Variants in TOR1A observed in about 807,000 individuals in gnomAD.
TOR1A encodes the protein torsin-1A.
In TOR1A, 18 loss-of-function variants were observed where a neutral mutation model predicts 31.4. That is an observed-to-expected ratio of 0.57 (90% CI 0.40 to 0.85). TOR1A has a LOEUF of 0.85. Ranked by LOEUF, TOR1A falls within the 40% of genes least tolerant of loss-of-function variation. TOR1A has a pLI of 0.00. For synonymous variants in TOR1A, 168 were observed against 165.9 expected, an observed-to-expected ratio of 1.01 and a Z score of -0.10; for missense variants, 375 against 416.4, an observed-to-expected ratio of 0.90 and a Z score of 0.87.
rs562605456 is a variant in TOR1A at position 129,817,482 on chromosome 9, C to T, written c.748+1038G>A. ...TTGGGAGGCCGAGGCAGGCGGATCA[C>T]GAGGTCAGGAGATAAGACCATCCTG... On this transcript the variant is annotated intron_variant, in intron 4 of 4. Coordinates refer to ENST00000351698, the MANE Select transcript of TOR1A (RefSeq NM_000113.3). Among the ~76,000 whole-genome samples, 10 of 152,044 alleles carry T rather than the reference C, an allele frequency of 6.6e-5. No homozygotes were observed. The East Asian group carries it at 1.4e-3, about 21-fold the overall frequency.
chr9:129,818,712 G>A (rs1352374634), intron 3 of TOR1A, 33 bp downstream of exon 3: 6 of 1,613,642 alleles, frequency 3.7e-6, no homozygotes, highest in South Asian at 1.1e-5. Flanking sequence ...TTGGGCTCGG[G>A]GCCCATCCAT....
At chr9:129,819,526 T>C (rs543637538) in intron 2 of TOR1A, among the ~76,000 whole-genome samples, 2 of 150,888 alleles carry the variant, frequency 1.3e-5, no homozygotes, top group East Asian at 2.0e-4. Flanking sequence ...GAGGCCAAAG[T>C]GGGTGGATCA....
chr9:129,822,136 G>A, intron 2 of TOR1A: 1 of 280,762 alleles, frequency 3.6e-6, no homozygotes, highest in Non-Finnish European at 7.0e-6. Context: ...CATGGTGGCA[G>A]GACCCTGTAA....
Position 129,822,888 on chromosome 9 carries a change from G to A in TOR1A, c.179-42C>T, listed in dbSNP as rs754814561. On this transcript the variant is annotated intron_variant, in intron 1 of 4. Transcript: ENST00000351698. ...CAATCAGGAGTGGGGAAGAAACAGC[G>A]GCAAAATGTAGCCACATTTACAGCC... 5.0e-6 allele frequency: 8 copies of A among 1,613,728 alleles called. No individual in the cohort carries two copies. In the East Asian group the frequency reaches 1.3e-4, roughly 27 times the overall value.
At position 129,823,792 on chromosome 9, in the gene TOR1A, T is replaced by C; in HGVS notation, c.178+116A>G. ...TCCAGCCCTAGTCCTAGCCCGGCCC[T>C]GGTGCCATCCCCCGGCCTCCATCCT... is the stretch of plus-strand genomic sequence containing the variant. On this transcript the variant is annotated intron_variant, in intron 1 of 4. Coordinates refer to ENST00000351698, the MANE Select transcript of TOR1A (RefSeq NM_000113.3). 3.7e-6 allele frequency: 4 copies of C among 1,090,998 alleles called. No individual in the cohort carries two copies. The South Asian group carries it at 5.6e-5, about 15-fold the overall frequency. The allele number at this position is 1,090,998 out of a possible 1,614,324, so 67.6% of individuals were successfully genotyped here.
chr9:129,817,370 CTCTT>C (rs1375858170), intron 4 of TOR1A, among the ~76,000 whole-genome samples: 6 of 152,220 alleles, frequency 3.9e-5, no homozygotes, highest in Non-Finnish European at 8.8e-5. Context: ...CAACCACTGG[CTCTT>C]TCTTCTACAA....
chr9:129,822,798 T>C lies in TOR1A; in HGVS notation c.227A>G (p.Lys76Arg). Reference protein sequence around the residue: ...DDNLFGQHLAKKIILNAVFGF... With the variant: ...DDNLFGQHLARKIILNAVFGF... ...AAACACGGCATTTAAGATGATTTTC[T>C]TTGCAAGATGCTGTCCAAAGAGGTT... Residue 76 changes from lysine (K) to arginine (R), a missense_variant, in exon 2 of 5, where the codon AAG becomes AGG. Coordinates refer to ENST00000351698, the MANE Select transcript of TOR1A (RefSeq NM_000113.3). 2 of 1,614,198 alleles carry C rather than the reference T, an allele frequency of 1.2e-6. No individual in the cohort carries two copies. Among genetic ancestry groups the C allele is most frequent in the Non-Finnish European group, 8.5e-7 (1 of 1,180,030 alleles).
intron 2 of TOR1A, among the ~76,000 whole-genome samples, chr9:129,820,946 C>T (rs554915760): frequency 8.5e-5 from 13 of 152,220 alleles, no homozygotes; most frequent in South Asian, 2.1e-4. Flanking sequence ...GTGACCCACA[C>T]GCTCACCCAG....
intron 1 of TOR1A, chr9:129,823,599 A>G (rs1429423573): frequency 3.8e-6 from 1 of 264,118 alleles, no homozygotes; most frequent in African/African-American, 3.7e-5. Flanking sequence ...GCCTCCATCC[A>G]CCATCCTCAA....
At chr9:129,823,018 G>A (rs2031225269) in intron 1 of TOR1A, among the ~76,000 whole-genome samples, 172 bp from the exon 2 acceptor site, 1 of 152,140 alleles carries the variant, frequency 6.6e-6, no homozygotes, top group Admixed American at 6.5e-5. Context: ...GCGGTCCAGG[G>A]AGCCCTCCCT....
intron 1 of TOR1A, chr9:129,823,492 C>CCCAGCA: frequency 6.2e-6 from 1 of 160,998 alleles, no homozygotes; most frequent in South Asian, 1.0e-4. Context: ...AGTGCCATCC[C>CCCAGCA]CCAGCCCCAG....
rs2131001424 is a variant in TOR1A, at chr9:129,814,227, G to A, written c.749-5C>T. On this transcript the variant is annotated splice_polypyrimidine_tract_variant and splice_region_variant and intron_variant, in intron 4 of 4. Coordinates refer to ENST00000351698, the MANE Select transcript of TOR1A (RefSeq NM_000113.3). ...AGCTGCTGTGCCAGAAGCCACCTGG[G>A]AAGAAGAAACAAGGTGCTGTTCATC... 1 of 1,614,040 alleles carries A rather than the reference G, an allele frequency of 6.2e-7. No homozygotes were observed. The highest frequency in any genetic ancestry group is 8.5e-7 in the Non-Finnish European group (1 of 1,179,996).
At chr9:129,815,470 C>T (rs904202423) in intron 4 of TOR1A, among the ~76,000 whole-genome samples, 6 of 152,248 alleles carry the variant, frequency 3.9e-5, no homozygotes, top group Non-Finnish European at 8.8e-5. Context: ...TCAGATGGTG[C>T]TTGGAGTGGC....
intron 1 of TOR1A, 74 bp downstream of exon 1, chr9:129,823,834 G>A (rs1444078454): frequency 1.7e-5 from 26 of 1,501,898 alleles, no homozygotes; most frequent in Admixed American, 2.0e-5. Flanking sequence ...TCCATGCCCT[G>A]GTCCTAGTTC....
intron 1 of TOR1A, 78 bp from the exon 2 acceptor site, chr9:129,822,924 C>A (rs573279847): frequency 6.2e-7 from 1 of 1,605,258 alleles, no homozygotes; most frequent in Non-Finnish European, 8.5e-7. Flanking sequence ...CATAAGAAAG[C>A]CAGCAAAGCC....
intron 2 of TOR1A, among the ~76,000 whole-genome samples, chr9:129,819,236 C>T (rs1247729034): frequency 4.6e-5 from 7 of 152,174 alleles, no homozygotes; most frequent in Non-Finnish European, 2.9e-5. Flanking sequence ...TCCCGCACTG[C>T]GAGATGCCAC....
intron 4 of TOR1A, among the ~76,000 whole-genome samples, chr9:129,815,242 T>G (rs2031006153): frequency 6.6e-6 from 1 of 152,236 alleles, no homozygotes; most frequent in Non-Finnish European, 1.5e-5. Flanking sequence ...CAACTGGTAC[T>G]CAATAAATGT....
In TOR1A at chr9:129,814,214, A is replaced by G; in HGVS notation, c.757T>C (p.Trp253Arg). ...SVFNNKNSGF[W>R]HSSLIDRNLI... The stretch of plus-strand genomic sequence containing the variant: ...TTCCGGTCAATTAAGCTGCTGTGCC[A>G]GAAGCCACCTGGGAAGAAGAAACAA... The change falls in exon 5 of 5, where the codon TGG (tryptophan) becomes CGG (arginine). Residue 253 changes from tryptophan (W) to arginine (R), a missense_variant. Coordinates refer to ENST00000351698, the MANE Select transcript of TOR1A (RefSeq NM_000113.3). 6.2e-7 allele frequency: 1 copy of G among 1,614,158 alleles called. No individual in the cohort carries two copies. Among genetic ancestry groups the G allele is most frequent in the Non-Finnish European group, 8.5e-7 (1 of 1,180,026 alleles).
intron 2 of TOR1A, among the ~76,000 whole-genome samples, chr9:129,820,579 A>C (rs2031160171): frequency 6.6e-6 from 1 of 152,136 alleles, no homozygotes. Context: ...AAGATGATCA[A>C]CTTATCCTGA....
Sources: allele counts gnomAD v4.1 joint callset (sites outside exome capture counted in the v4.1 genomes callset), GRCh38; gene constraint gnomAD v4.1.1; transcripts MANE v1.5; gene names NCBI Gene and HGNC (gene_info 2026-07-23, HGNC 2026-07-21).